The following ABLIM2 variants were observed in gnomAD, a reference collection of about 807,000 sequenced individuals.
The protein encoded by ABLIM2 is actin binding LIM protein family member 2, also known as actin-binding LIM protein 2.
In ABLIM2, 53 loss-of-function variants were observed where a neutral mutation model predicts 97.7. That is an observed-to-expected ratio of 0.54 (90% CI 0.44 to 0.68). The LOEUF (loss-of-function observed/expected upper bound fraction) is 0.68. Ranked by LOEUF, ABLIM2 falls within the 30% of genes least tolerant of loss-of-function variation. The probability of loss-of-function intolerance (pLI) is 0.00; values close to 1 mark genes in which losing one functional copy is unlikely to be tolerated. For missense variants in ABLIM2, 835 were observed against 867.2 expected (o/e 0.96, Z 0.47); for synonymous variants, 361 against 345.8 (o/e 1.04, Z -0.49).
In ABLIM2 at chr4:8,123,172, G is replaced by A. The variant is rs1408722509; in HGVS notation, c.11-16535C>T. On this transcript the variant is annotated intron_variant, in intron 1 of 20. Transcript: ENST00000447017. This position sits in a 1 kb window ranked among gnomAD's most constrained non-coding sequence, Gnocchi z 6.2. ...TCCTTAATCCTAATTGCGGTCCTCA[G>A]AGCATTCTTCCCTGGCAGCTGGTGC... Among the ~76,000 whole-genome samples, 1 of 152,216 alleles carries A rather than the reference G, an allele frequency of 6.6e-6. No homozygotes were observed. The highest frequency in any genetic ancestry group is 2.4e-5 in the African/African-American group (1 of 41,454).
At position 8,083,611 on chromosome 4, in the gene ABLIM2, C is replaced by T. The variant is rs189534118; in HGVS notation, c.455-2809G>A. Among the ~76,000 whole-genome samples the T allele has an allele frequency of 3.3e-4, 50 of 152,354 alleles. No homozygotes were observed. The South Asian group carries it at 5.4e-3, about 16-fold the overall frequency. ...AGATGAGAGCAAGGTGCAAAAGGAG[C>T]GTTGCCATGGAAACCACATCCTCAC... On this transcript the variant is annotated intron_variant, in intron 4 of 20. Transcript: ENST00000447017. This position sits in a 1 kb window ranked among gnomAD's most constrained non-coding sequence, Gnocchi z 4.6.
Position 8,060,956 on chromosome 4 carries a change from T to G in ABLIM2, c.763+11A>C, listed in dbSNP as rs1331318341. The G allele has an allele frequency of 1.3e-6, 2 of 1,569,886 alleles. No homozygotes were observed. Among genetic ancestry groups the G allele is most frequent in the East Asian group, 4.7e-5 (2 of 42,670 alleles). On this transcript the variant is annotated intron_variant, in intron 7 of 20. Coordinates refer to ENST00000447017, the MANE Select transcript of ABLIM2 (RefSeq NM_001130083.2). ...GCTCTAGGGGACCAAACAACACATT[T>G]TAATTTGTACCTTGAAGATACATCT...
chr4:7,995,457 C>T (rs1284958857), intron 16 of ABLIM2, among the ~76,000 whole-genome samples: 1 of 152,218 alleles, frequency 6.6e-6, no homozygotes, highest in Non-Finnish European at 1.5e-5. Context: ...CACAGAACTG[C>T]CCACCCGCTC....
Position 8,064,941 on chromosome 4 carries a change from C to T in ABLIM2, c.676-3887G>A, listed in dbSNP as rs1055463379. 3.2e-4 allele frequency among the ~76,000 whole-genome samples: 49 copies of T among 152,134 alleles called. 1 individual carries two copies. The highest frequency in any genetic ancestry group is 2.8e-4 in the Non-Finnish European group (19 of 68,022). ...AAACGCAAGAGCTAAAACTGAAAAA[C>T]GATTAGAAGAAAACATGCTGTTAAG... On this transcript the variant is annotated intron_variant, in intron 6 of 20. Coordinates refer to ENST00000447017, the MANE Select transcript of ABLIM2 (RefSeq NM_001130083.2).
In ABLIM2 at chr4:8,125,523, G is replaced by A. The variant is rs908476541; in HGVS notation, c.11-18886C>T. On this transcript the variant is annotated intron_variant, in intron 1 of 20. Coordinates refer to ENST00000447017, the MANE Select transcript of ABLIM2 (RefSeq NM_001130083.2). This position sits in a 1 kb window ranked among gnomAD's most constrained non-coding sequence, Gnocchi z 6.2. ...TGCTTCTGGGATGGCTCTGCCATCA[G>A]CGTTGACGGTCTGGTCCATCTACCA... is the stretch of plus-strand genomic sequence containing the variant. 5.9e-5 allele frequency among the ~76,000 whole-genome samples: 9 copies of A among 152,104 alleles called. No individual in the cohort carries two copies. The highest frequency in any genetic ancestry group is 2.2e-4 in the African/African-American group (9 of 41,434).
chr4:7,983,099 C>G (rs1022456813), intron 20 of ABLIM2, among the ~76,000 whole-genome samples, 165 bp downstream of exon 20: 3 of 152,206 alleles, frequency 2.0e-5, no homozygotes, highest in Non-Finnish European at 4.4e-5. Context: ...ATCACCACAT[C>G]GTTTGGCCTT....
rs1440779070 is a variant in ABLIM2 at position 7,994,775 on chromosome 4, C to G, written c.1619-1848G>C. On this transcript the variant is annotated intron_variant, in intron 16 of 20. Coordinates refer to ENST00000447017, the MANE Select transcript of ABLIM2 (RefSeq NM_001130083.2). Reference sequence around the variant, plus strand: ...TCCAGCACCTGTTGTTTCCTGACTTCATGTCCAAAACACCAAAAGCAATGG... The same window carrying G: ...TCCAGCACCTGTTGTTTCCTGACTTGATGTCCAAAACACCAAAAGCAATGG... Among the ~76,000 whole-genome samples the G allele has an allele frequency of 1.7e-5, 2 of 116,916 alleles. 1 individual carries two copies. Among genetic ancestry groups the G allele is most frequent in the African/African-American group, 5.4e-5 (2 of 37,076 alleles). 76.7% of individuals were successfully genotyped at this position (116,916 alleles called of 152,430 possible).
intron 9 of ABLIM2, among the ~76,000 whole-genome samples, chr4:8,038,579 A>G (rs945251823): frequency 1.3e-5 from 2 of 152,152 alleles, no homozygotes; most frequent in African/African-American, 2.4e-5. Context: ...GTTAGCCTCC[A>G]GCCCACCTCC....
intron 14 of ABLIM2, among the ~76,000 whole-genome samples, chr4:8,014,088 C>T (rs866123581): frequency 6.6e-6 from 1 of 152,382 alleles, no homozygotes. Context: ...CTATGCCATG[C>T]TCCTCACCAG....
At chr4:8,126,788 C>T (rs1013437115) in intron 1 of ABLIM2, among the ~76,000 whole-genome samples, 8 of 152,076 alleles carry the variant, frequency 5.3e-5, no homozygotes, top group East Asian at 1.9e-4. Flanking sequence ...TCCAGATGGC[C>T]GGGCGTGTGG....
chr4:8,114,699 A>G (rs1457555254), intron 1 of ABLIM2, among the ~76,000 whole-genome samples: 1 of 152,180 alleles, frequency 6.6e-6, no homozygotes, highest in African/African-American at 2.4e-5. Context: ...AGGTCCAGAC[A>G]GGGCGGCCCT....
At position 8,140,856 on chromosome 4, in the gene ABLIM2, C is replaced by T. The variant is rs1245259337; in HGVS notation, c.10+17824G>A. On this transcript the variant is annotated intron_variant, in intron 1 of 20. Transcript: ENST00000447017. This position sits in a 1 kb window ranked among gnomAD's most constrained non-coding sequence, Gnocchi z 5.9. ...GCAGGGAGGTGGCTGCCAAGAAGAG[C>T]TATGAAGAATTAGAAGCTGGACCAA... Among the ~76,000 whole-genome samples the T allele has an allele frequency of 1.3e-5, 2 of 152,136 alleles. No individual in the cohort carries two copies. Among genetic ancestry groups the T allele is most frequent in the Non-Finnish European group, 2.9e-5 (2 of 68,026 alleles).
chr4:8,144,633 C>T (rs993194497), intron 1 of ABLIM2, among the ~76,000 whole-genome samples: 7 of 152,300 alleles, frequency 4.6e-5, no homozygotes, highest in East Asian at 3.9e-4. Context: ...GCGGGTGACG[C>T]GGGGCAGGCT....
chr4:7,980,949 T>TTTTTTTTTTTTTTTTTTA, intron 20 of ABLIM2, among the ~76,000 whole-genome samples: 1 of 126,496 alleles, frequency 7.9e-6, no homozygotes, highest in Non-Finnish European at 1.6e-5. Flanking sequence ...TTATTTTTTT[T>TTTTTTTTTTTTTTTTTTA]TTTTTTTTTT....
chr4:7,984,116 C>T (rs1252038591), intron 18 of ABLIM2, among the ~76,000 whole-genome samples: 1 of 141,686 alleles, frequency 7.1e-6, no homozygotes, highest in Non-Finnish European at 1.6e-5. Flanking sequence ...ACACAGAACC[C>T]ACAGAAAGCA....
chr4:7,980,909 C>T (rs1009323059), intron 20 of ABLIM2, among the ~76,000 whole-genome samples: 11 of 146,846 alleles, frequency 7.5e-5, no homozygotes, highest in Middle Eastern at 3.5e-3. Flanking sequence ...ACTTCATCTA[C>T]GTAATAAGAA....
intron 1 of ABLIM2, among the ~76,000 whole-genome samples, chr4:8,158,417 T>G (rs951344102): frequency 6.6e-6 from 1 of 152,064 alleles, no homozygotes; most frequent in Admixed American, 6.5e-5. Context: ...AAGGGGCGCC[T>G]TCCAGACATC....
rs773549651 is a variant in ABLIM2 at position 8,003,059 on chromosome 4, G to A, written c.1618+5000C>T. On this transcript the variant is annotated intron_variant, in intron 16 of 20. Transcript: ENST00000447017. This position sits in a 1 kb window ranked among gnomAD's most constrained non-coding sequence, Gnocchi z 4.2. Reference sequence around the variant, plus strand: ...CCAGACAGGGAACTTTGTCTGTTTTGGCCTCTGCTCTGTCCCCAGCACCCA... The same window carrying A: ...CCAGACAGGGAACTTTGTCTGTTTTAGCCTCTGCTCTGTCCCCAGCACCCA... Among the ~76,000 whole-genome samples the A allele has an allele frequency of 3.3e-5, 5 of 152,120 alleles. No individual in the cohort carries two copies. Among genetic ancestry groups the A allele is most frequent in the Non-Finnish European group, 7.4e-5 (5 of 68,024 alleles).
chr4:7,969,431 G>C (rs1725737877), intron 20 of ABLIM2, among the ~76,000 whole-genome samples: 2 of 152,018 alleles, frequency 1.3e-5, no homozygotes, highest in South Asian at 4.2e-4. Flanking sequence ...TTCAAACCTG[G>C]GTGACACAGT....
Sources: gnomAD v4.1 joint callset for allele counts (sites outside exome capture counted in the v4.1 genomes callset) on GRCh38, gnomAD v4.1.1 for gene constraint, Gnocchi (gnomAD v3.1) non-coding constraint, MANE v1.5 for transcripts, NCBI Gene and HGNC (gene_info 2026-07-23, HGNC 2026-07-21) for gene names.